Variants in CEP112 observed in about 807,000 individuals in gnomAD.
CEP112 encodes centrosomal protein 112, also known as centrosomal protein of 112 kDa.
In CEP112, 127 loss-of-function variants were observed where a neutral mutation model predicts 153.0. The ratio of observed to expected loss-of-function variants is 0.83; its 90% CI spans 0.72 to 0.96. The LOEUF is 0.96. Among genes scored for constraint, CEP112 ranks in the 40% least tolerant of loss-of-function variants. The pLI is 0.00. For synonymous variants in CEP112, 358 were observed against 374.4 expected, an observed-to-expected ratio of 0.96 and a Z score of 0.51; for missense variants, 1,089 against 1,101.2, an observed-to-expected ratio of 0.99 and a Z score of 0.16.
At chr17:65,637,049 A>C in intron 26 of CEP112, 75 bp downstream of exon 26, 1 of 1,108,612 alleles carries the variant, frequency 9.0e-7, no homozygotes, top group Non-Finnish European at 1.4e-6. Flanking sequence ...ATAAAGACAA[A>C]GGCCAGACAA....
At chr17:65,919,929 A>G (rs2060640009) in intron 19 of CEP112, among the ~76,000 whole-genome samples, 1 of 152,134 alleles carries the variant, frequency 6.6e-6, no homozygotes, top group Non-Finnish European at 1.5e-5. Context: ...GGCAGGCCTC[A>G]GGTTCAGGTT....
chr17:66,129,252 T>C (rs560055533), intron 6 of CEP112, among the ~76,000 whole-genome samples: 2 of 152,104 alleles, frequency 1.3e-5, no homozygotes, highest in Non-Finnish European at 2.9e-5. Flanking sequence ...CCCCACTACA[T>C]CTTTCTTCGT....
intron 12 of CEP112, 64 bp from the exon 13 acceptor site, chr17:66,030,087 G>C (rs571786420): frequency 7.6e-7 from 1 of 1,316,702 alleles, no homozygotes; most frequent in Admixed American, 2.1e-5. Context: ...GTATCTGTAA[G>C]AAGCTTGAGG....
chr17:65,840,132 T>A (rs1344014760), intron 21 of CEP112, among the ~76,000 whole-genome samples: 1 of 152,020 alleles, frequency 6.6e-6, no homozygotes, highest in Non-Finnish European at 1.5e-5. Context: ...AAAACACCAA[T>A]GAGATTCTTC....
At chr17:66,138,707 TA>T (rs200626409) in intron 4 of CEP112, among the ~76,000 whole-genome samples, 30 of 149,880 alleles carry the variant, frequency 2.0e-4, no homozygotes, top group Admixed American at 1.6e-3. Flanking sequence ...ACACAAAACA[TA>T]AAAAAAAAGA....
chr17:65,880,479 G>A (rs779329740), intron 20 of CEP112, among the ~76,000 whole-genome samples: 1 of 152,180 alleles, frequency 6.6e-6, no homozygotes, highest in Non-Finnish European at 1.5e-5. Flanking sequence ...CAGACAATGT[G>A]CTGAAGGCAG....
At chr17:66,076,789 C>CCT (rs2146133826) in intron 8 of CEP112, among the ~76,000 whole-genome samples, 1 of 152,294 alleles carries the variant, frequency 6.6e-6, no homozygotes, top group South Asian at 2.1e-4. Context: ...AGCTAAGAAC[C>CCT]CTCACAGAGT....
chr17:65,659,150 G>A (rs2046221076), intron 24 of CEP112, among the ~76,000 whole-genome samples: 1 of 151,738 alleles, frequency 6.6e-6, no homozygotes, highest in Non-Finnish European at 1.5e-5. Flanking sequence ...CAGTGCTACA[G>A]ATAAGGGGAG....
At chr17:65,707,839 A>T (rs1230952257) in intron 23 of CEP112, among the ~76,000 whole-genome samples, 3 of 152,254 alleles carry the variant, frequency 2.0e-5, no homozygotes, top group African/African-American at 7.2e-5. Context: ...GTGAATCAGA[A>T]CTTCATGTAC....
intron 18 of CEP112, among the ~76,000 whole-genome samples, chr17:65,949,984 A>T (rs2061767985): frequency 6.6e-6 from 1 of 152,202 alleles, no homozygotes; most frequent in Non-Finnish European, 1.5e-5. Context: ...AATAAATAAC[A>T]TCACAATACA....
intron 16 of CEP112, among the ~76,000 whole-genome samples, chr17:66,006,796 G>A (rs1308531440): frequency 6.6e-6 from 1 of 152,170 alleles, no homozygotes; most frequent in African/African-American, 2.4e-5. Context: ...CAGGTGGGAG[G>A]TGGGAAAGCT....
Position 66,129,757 on chromosome 17 carries a change from A to G in CEP112, c.631T>C (p.Trp211Arg). 1 of 1,610,270 alleles carries G rather than the reference A, an allele frequency of 6.2e-7. No homozygotes were observed. The highest frequency in any genetic ancestry group is 8.5e-7 in the Non-Finnish European group (1 of 1,178,116). ...DSDIEARLNS[W>R]NLGIENPRYL... is the part of the protein sequence containing the mutation. ...ATACTTTTTTTTACCCCAAGATTCC[A>G]ACTATTAAGGCGAGCTTCAATGTCA... Residue 211 changes from tryptophan (W) to arginine (R), a missense_variant, in exon 6 of 27, where the codon TGG becomes CGG. By Grantham distance (101) the Trp-to-Arg change is moderately radical (BLOSUM62 -3). Coordinates refer to ENST00000535342, the MANE Select transcript of CEP112 (RefSeq NM_001199165.4).
chr17:66,190,623 A>G (rs2073129142), intron 1 of CEP112, among the ~76,000 whole-genome samples: 1 of 152,246 alleles, frequency 6.6e-6, no homozygotes, highest in Non-Finnish European at 1.5e-5. Context: ...AAAAAAATAA[A>G]TAATTCCAAA....
At chr17:66,161,979 C>A (rs2071731197) in intron 4 of CEP112, among the ~76,000 whole-genome samples, 1 of 151,352 alleles carries the variant, frequency 6.6e-6, no homozygotes, top group African/African-American at 2.4e-5. Context: ...TATAAATTAC[C>A]CAATCTCAGG....
intron 4 of CEP112, among the ~76,000 whole-genome samples, chr17:66,168,482 T>C (rs1268113125): frequency 1.4e-5 from 2 of 142,372 alleles, no homozygotes; most frequent in African/African-American, 4.9e-5. Context: ...TATATGTATA[T>C]ATGTGTGTGT....
At chr17:65,893,524 T>A (rs866175235) in intron 20 of CEP112, among the ~76,000 whole-genome samples, 1 of 152,098 alleles carries the variant, frequency 6.6e-6, no homozygotes, top group South Asian at 2.1e-4. Flanking sequence ...AGTGAAAAAG[T>A]ATAATTTTCC....
intron 18 of CEP112, among the ~76,000 whole-genome samples, chr17:65,931,423 G>A (rs1020741406): frequency 6.6e-6 from 1 of 152,216 alleles, no homozygotes; most frequent in African/African-American, 2.4e-5. Flanking sequence ...ATTCCCCTGG[G>A]CCCATGGTTT....
intron 1 of CEP112, among the ~76,000 whole-genome samples, chr17:66,187,879 A>T (rs11868698): frequency 0.034 from 5,189 of 152,226 alleles, 132 homozygotes; most frequent in Middle Eastern, 0.061. Flanking sequence ...TAAATCTATG[A>T]TGTACTCTGC....
intron 17 of CEP112, among the ~76,000 whole-genome samples, chr17:66,005,212 T>G (rs1190486271): frequency 1.3e-5 from 2 of 152,174 alleles, no homozygotes; most frequent in Non-Finnish European, 2.9e-5. Context: ...AAATAAAATC[T>G]AATATTTTAA....
Sources: allele counts gnomAD v4.1 joint callset (sites outside exome capture counted in the v4.1 genomes callset), GRCh38; gene constraint gnomAD v4.1.1; transcripts MANE v1.5; gene names NCBI Gene and HGNC (gene_info 2026-07-23, HGNC 2026-07-21).